The following SLC9A5 variants were observed in gnomAD, a reference collection of about 807,000 sequenced individuals.
SLC9A5 encodes sodium/hydrogen exchanger 5.
SLC9A5 carries 52 observed loss-of-function variants against 91.7 expected under a neutral mutation model. That is an observed-to-expected ratio of 0.57 (90% CI 0.45 to 0.71). The LOEUF (loss-of-function observed/expected upper bound fraction) is 0.71, where lower values mean the gene tolerates loss of function less well. SLC9A5 is among the 30% of genes least tolerant of loss of function. The pLI is 0.00. For synonymous variants in SLC9A5, 419 were observed against 474.5 expected (o/e 0.88, Z 1.52); for missense variants, 871 against 1,158.9 (o/e 0.75, Z 3.61).
chr16:67,264,942 G>A (rs2035650301), intron 13 of SLC9A5, 98 bp from the exon 14 acceptor site: 2 of 1,255,036 alleles, frequency 1.6e-6, no homozygotes, highest in Non-Finnish European at 1.2e-6. Flanking sequence ...TCCCTCCCCT[G>A]CTGGGTTAGG....
At chr16:67,260,325 A>G (rs536091308) in intron 12 of SLC9A5, among the ~76,000 whole-genome samples, 1 of 145,178 alleles carries the variant, frequency 6.9e-6, no homozygotes, top group South Asian at 2.2e-4. Flanking sequence ...ACTGCACTCC[A>G]GCCTGGGTAA....
intron 10 of SLC9A5, among the ~76,000 whole-genome samples, 154 bp from the exon 11 acceptor site, chr16:67,259,419 A>G (rs1216103609): frequency 6.6e-6 from 1 of 150,864 alleles, no homozygotes; most frequent in Non-Finnish European, 1.5e-5. Context: ...TATGTTATAG[A>G]TTTTGTGAAT....
In SLC9A5 at chr16:67,255,701, C is replaced by A. The variant is rs984001477; in HGVS notation, c.734-52C>A. ...CCCTGCCAGGCAGCAGTCTTGTCAG[C>A]CCGGGTAGGGTCCGGGCCAGGGGTC... On this transcript the variant is annotated intron_variant, in intron 4 of 15. Transcript: ENST00000299798. The surrounding 1 kb of genome is among the most constrained non-coding windows in gnomAD (Gnocchi z 4.9). 6 of 1,513,812 alleles carry A rather than the reference C, an allele frequency of 4.0e-6. No individual in the cohort carries two copies. In the African/African-American group the frequency reaches 8.3e-5, roughly 21 times the overall value. 93.8% of individuals were successfully genotyped at this position (1,513,812 alleles called of 1,614,324 possible). A position where few individuals can be genotyped will look rare whatever the true frequency, so the allele number is the denominator to read the frequency against.
chr16:67,251,125 T>C (rs1017938819), intron 1 of SLC9A5, among the ~76,000 whole-genome samples: 1 of 152,156 alleles, frequency 6.6e-6, no homozygotes, highest in Non-Finnish European at 1.5e-5. Flanking sequence ...GAAATTGAAG[T>C]TCAAGTAAGT....
At chr16:67,254,865 T>C (rs2035251803) in intron 2 of SLC9A5, among the ~76,000 whole-genome samples, 156 bp from the exon 3 acceptor site, 1 of 152,236 alleles carries the variant, frequency 6.6e-6, no homozygotes, top group Admixed American at 6.5e-5. Flanking sequence ...TGAAGTCTCC[T>C]GATCTGCAGG....
chr16:67,266,143 AG>A lies in SLC9A5; in HGVS notation c.2137del (p.Glu713ArgfsTer89). 6.2e-7 allele frequency: 1 copy of A among 1,611,914 alleles called. No homozygotes were observed. The highest frequency in any genetic ancestry group is 8.5e-7 in the Non-Finnish European group (1 of 1,179,056). ...AGGAGGAGGAGGAGAGCGACAGTTC[AG>A]AGACAGAGAAGGAGGACGATGAGGG... The part of the protein sequence containing the change: ...EEEEEESDSS[E>X]TEKEDDEGII... On this transcript the variant is annotated frameshift_variant, in exon 15 of 16. Coordinates refer to ENST00000299798, the MANE Select transcript of SLC9A5 (RefSeq NM_004594.3). LOFTEE classifies it high-confidence loss of function.
intron 14 of SLC9A5, 37 bp downstream of exon 14, chr16:67,265,143 G>C (rs778740243): frequency 6.2e-7 from 1 of 1,602,586 alleles, no homozygotes; most frequent in Admixed American, 1.7e-5. Flanking sequence ...GGATGGGAGG[G>C]AGGAGGGAAA....
intron 12 of SLC9A5, among the ~76,000 whole-genome samples, 177 bp downstream of exon 12, chr16:67,260,123 C>T (rs1299855877): frequency 2.0e-5 from 3 of 151,650 alleles, no homozygotes; most frequent in African/African-American, 4.9e-5. Flanking sequence ...CCAAGACAGG[C>T]GGATCACTTG....
chr16:67,256,778 C>A lies in SLC9A5; in HGVS notation c.1132+89C>A. Reference sequence around the variant, plus strand: ...TCCCTATCTGAGTCCACATCTTTGTCAATTCCTAAGCCTCCTCTTGTTGCT... The same window carrying A: ...TCCCTATCTGAGTCCACATCTTTGTAAATTCCTAAGCCTCCTCTTGTTGCT... On this transcript the variant is annotated intron_variant, in intron 6 of 15. Coordinates refer to ENST00000299798, the MANE Select transcript of SLC9A5 (RefSeq NM_004594.3). This position sits in a 1 kb window ranked among gnomAD's most constrained non-coding sequence, Gnocchi z 4.1. The A allele has an allele frequency of 7.4e-7, 1 of 1,355,186 alleles. No individual in the cohort carries two copies. Among genetic ancestry groups the A allele is most frequent in the South Asian group, 1.2e-5 (1 of 84,280 alleles). 83.9% of individuals were successfully genotyped at this position (1,355,186 alleles called of 1,614,324 possible).
chr16:67,266,856 T>TC (rs1474887194), intron 15 of SLC9A5, among the ~76,000 whole-genome samples: 2 of 150,702 alleles, frequency 1.3e-5, no homozygotes, highest in African/African-American at 4.9e-5. Flanking sequence ...TTTTCTTTTT[T>TC]TTTTTTTTTT....
intron 1 of SLC9A5, among the ~76,000 whole-genome samples, chr16:67,250,772 G>A (rs1382235370): frequency 1.3e-5 from 2 of 152,174 alleles, no homozygotes. Flanking sequence ...TTTGGGTACA[G>A]CTTCCAAAGG....
At position 67,258,292 on chromosome 16, in the gene SLC9A5, A is replaced by C. The variant is rs1337806559; in HGVS notation, c.1497-26A>C. On this transcript the variant is annotated intron_variant, in intron 9 of 15. Coordinates refer to ENST00000299798, the MANE Select transcript of SLC9A5 (RefSeq NM_004594.3). This position sits in a 1 kb window ranked among gnomAD's most constrained non-coding sequence, Gnocchi z 4.5. Reference sequence around the variant, plus strand: ...TGGCCAGGCCTTGGGAATGGGACTCAGGGCCGGGCCTGGCATCCTCTGTAG... The same window carrying C: ...TGGCCAGGCCTTGGGAATGGGACTCCGGGCCGGGCCTGGCATCCTCTGTAG... 1 of 1,612,242 alleles carries C rather than the reference A, an allele frequency of 6.2e-7. No individual in the cohort carries two copies. The highest frequency in any genetic ancestry group is 2.2e-5 in the East Asian group (1 of 44,866).
rs1248361961 is a variant in SLC9A5 at position 67,257,897 on chromosome 16, C to A, written c.1496+296C>A. On this transcript the variant is annotated intron_variant, in intron 9 of 15. Transcript: ENST00000299798. The surrounding 1 kb of genome is among the most constrained non-coding windows in gnomAD (Gnocchi z 5.1). ...CCCTGTCTTAGATCCTCAGGACCCA[C>A]CATGCTCCCCCAGCCTGGCCACTGG... is the stretch of plus-strand genomic sequence containing the variant. 6.6e-6 allele frequency among the ~76,000 whole-genome samples: 1 copy of A among 152,236 alleles called. No homozygotes were observed. Among genetic ancestry groups the A allele is most frequent in the African/African-American group, 2.4e-5 (1 of 41,464 alleles).
chr16:67,252,390 C>T lies in SLC9A5; in HGVS notation c.188-152C>T. The T allele has an allele frequency of 4.5e-6, 3 of 672,724 alleles. No homozygotes were observed. Among genetic ancestry groups the T allele is most frequent in the Non-Finnish European group, 7.6e-6 (3 of 396,050 alleles). 41.7% of individuals were successfully genotyped at this position (672,724 alleles called of 1,614,324 possible). A position where few individuals can be genotyped will look rare whatever the true frequency, so the allele number is the denominator to read the frequency against. On this transcript the variant is annotated intron_variant, in intron 1 of 15. Transcript: ENST00000299798. This position sits in a 1 kb window ranked among gnomAD's most constrained non-coding sequence, Gnocchi z 4.0. ...ACTTGAACCCGGGAGGTGAAGGTTG[C>T]AGTGAGCTGAGATTGTGCTACTGCA...
At chr16:67,260,613 T>C (rs1432635464) in intron 12 of SLC9A5, among the ~76,000 whole-genome samples, 1 of 152,022 alleles carries the variant, frequency 6.6e-6, no homozygotes, top group African/African-American at 2.4e-5. Flanking sequence ...GCCTAGGTGA[T>C]TGGCTCTGAT....
chr16:67,259,974 GA>G (rs1363468954), intron 12 of SLC9A5, 28 bp downstream of exon 12: 1 of 1,609,916 alleles, frequency 6.2e-7, no homozygotes, highest in Middle Eastern at 1.7e-4. Context: ...TCAGGATTTT[GA>G]GGGGGTGGAG....
rs768047954 is a variant in SLC9A5 at position 67,264,496 on chromosome 16, C to T, written c.1987C>T (p.Arg663Ter). 1.9e-6 allele frequency: 3 copies of T among 1,614,176 alleles called. No homozygotes were observed. The highest frequency in any genetic ancestry group is 1.7e-6 in the Non-Finnish European group (2 of 1,180,030). Residue 663 changes from arginine to a stop codon, truncating the protein, a stop_gained, in exon 13 of 16, where the codon CGA (arginine) becomes TGA (stop). Coordinates refer to ENST00000299798, the MANE Select transcript of SLC9A5 (RefSeq NM_004594.3). LOFTEE classifies it high-confidence loss of function. The stretch of plus-strand genomic sequence containing the variant: ...CATCTGCTTCACCAAGAGCAAGCCA[C>T]GACCCCGCAAGACTGGCCGCAGGAA... The part of the protein sequence containing the change: ...HNICFTKSKP[R>*]PRKTGRRKKD...
chr16:67,259,234 T>G (rs1432592696), intron 10 of SLC9A5, among the ~76,000 whole-genome samples: 3 of 138,422 alleles, frequency 2.2e-5, no homozygotes, highest in Middle Eastern at 8.2e-3. Flanking sequence ...ACCATTGCAC[T>G]CCAGCCTATG....
At chr16:67,251,706 G>T (rs1240319933) in intron 1 of SLC9A5, among the ~76,000 whole-genome samples, 1 of 151,910 alleles carries the variant, frequency 6.6e-6, no homozygotes, top group Non-Finnish European at 1.5e-5. Flanking sequence ...GAGCCACCGC[G>T]CCCCGCCTGT....
Sources: allele counts gnomAD v4.1 joint callset (sites outside exome capture counted in the v4.1 genomes callset), GRCh38; gene constraint gnomAD v4.1.1; non-coding constraint Gnocchi (gnomAD v3.1); transcripts MANE v1.5; gene names NCBI Gene and HGNC (gene_info 2026-07-23, HGNC 2026-07-21).